GPR161: variants seen among roughly 807,000 people sequenced by gnomAD.
GPR161 encodes the protein G protein-coupled receptor 161.
A neutral mutation model predicts 39.2 loss-of-function variants in GPR161; 25 were observed. The ratio of observed to expected loss-of-function variants is 0.64; its 90% CI spans 0.47 to 0.89. The LOEUF is 0.89. GPR161 is among the 40% of genes least tolerant of loss of function. The pLI is 0.00. For synonymous variants in GPR161, 286 were observed against 276.6 expected (o/e 1.03, Z -0.34); for missense variants, 547 against 677.8 (o/e 0.81, Z 2.14).
chr1:168,084,916 T>C lies in GPR161; in HGVS notation c.*615A>G, dbSNP rs1558079989. The stretch of plus-strand genomic sequence containing the variant: ...TCTGCAAGAGGCCTGTGGCTGTCCC[T>C]ATTAGCACCAGCAGGTGGCGCCACT... On this transcript the variant is annotated 3_prime_UTR_variant, in exon 6 of 6. Transcript: ENST00000682931. The C allele has an allele frequency of 2.2e-6, 1 of 456,306 alleles. No individual in the cohort carries two copies. The highest frequency in any genetic ancestry group is 4.4e-6 in the Non-Finnish European group (1 of 226,974). The allele number at this position is 456,306 out of a possible 1,614,324, so 28.3% of individuals were successfully genotyped here.
At chr1:168,110,592 GA>G (rs112057585) in intron 1 of GPR161, among the ~76,000 whole-genome samples, 14,697 of 70,160 alleles carry the variant, frequency 0.21, 2,302 homozygotes, top group Admixed American at 0.34. Flanking sequence ...GAAAAGAAAA[GA>G]AAAGAGACAA....
intron 4 of GPR161, chr1:168,090,323 C>A (rs141120567): frequency 3.0e-5 from 12 of 398,126 alleles, no homozygotes; most frequent in African/African-American, 2.4e-4. Flanking sequence ...CCTAATAACA[C>A]CGTGCGGCAG....
intron 1 of GPR161, among the ~76,000 whole-genome samples, chr1:168,112,652 T>C (rs1697305902): frequency 6.6e-6 from 1 of 151,538 alleles, no homozygotes; most frequent in African/African-American, 2.4e-5. Flanking sequence ...AGGTCAGGAG[T>C]TCGGGACCAG....
rs1405402809 is a variant in GPR161, at chr1:168,084,861, G to C, written c.*670C>G. 8.8e-6 allele frequency: 4 copies of C among 456,186 alleles called. No homozygotes were observed. Among genetic ancestry groups the C allele is most frequent in the Non-Finnish European group, 1.8e-5 (4 of 226,960 alleles). The allele number at this position is 456,186 out of a possible 1,614,324, so 28.3% of individuals were successfully genotyped here. On this transcript the variant is annotated 3_prime_UTR_variant, in exon 6 of 6. Transcript: ENST00000682931. ...TCCCTTTTGAAATACCAAAGAACTT[G>C]TCAGTAGGGAAGTAGGCAGGGTGGG...
rs768969145 is a variant in GPR161, at chr1:168,082,767, T to G, written c.*2764A>C. 1.3e-5 allele frequency: 2 copies of G among 152,252 alleles called. No individual in the cohort carries two copies. Among genetic ancestry groups the G allele is most frequent in the Non-Finnish European group, 2.9e-5 (2 of 68,050 alleles). The allele number at this position is 152,252 out of a possible 1,614,324, so 9.4% of individuals were successfully genotyped here. ...GCAGGCCTGCCACTGCATGGCAGTT[T>G]ACAGCTAAAGAGCCTGGGTTTAGTG... On this transcript the variant is annotated 3_prime_UTR_variant, in exon 6 of 6. Transcript: ENST00000682931.
At chr1:168,106,354 A>T (rs1052220891) in intron 1 of GPR161, among the ~76,000 whole-genome samples, 1 of 152,268 alleles carries the variant, frequency 6.6e-6, no homozygotes, top group Non-Finnish European at 1.5e-5. Context: ...TGGGAGGCCC[A>T]TGTGGGCAGA....
intron 1 of GPR161, among the ~76,000 whole-genome samples, chr1:168,120,400 G>A (rs866214667): frequency 1.2e-4 from 19 of 152,152 alleles, no homozygotes; most frequent in African/African-American, 4.3e-4. Context: ...TTGTATTTTG[G>A]AAGTAACTAA....
At chr1:168,111,396 T>C (rs1256455723) in intron 1 of GPR161, among the ~76,000 whole-genome samples, 1 of 152,156 alleles carries the variant, frequency 6.6e-6, no homozygotes, top group Non-Finnish European at 1.5e-5. Context: ...TCGCCACCTG[T>C]AGTTAGGCAG....
At chr1:168,120,339 C>T (rs772087996) in intron 1 of GPR161, among the ~76,000 whole-genome samples, 47 of 152,142 alleles carry the variant, frequency 3.1e-4, no homozygotes, top group Non-Finnish European at 5.3e-4. Flanking sequence ...TTTGTTTTGG[C>T]CAATTTCTCC....
chr1:168,105,182 C>T (rs1015998945), intron 1 of GPR161, among the ~76,000 whole-genome samples: 6 of 152,154 alleles, frequency 3.9e-5, no homozygotes, highest in African/African-American at 1.4e-4. Context: ...GCTGAAGAAT[C>T]GTCTGAAGTG....
In GPR161 at chr1:168,098,925, G is replaced by A. The variant is rs111659016; in HGVS notation, c.375-1693C>T. ...GGAGGCTCTGATGTCTATTAGCTAT[G>A]TGACCTCAGCTAATTGATGTAACCT... On this transcript the variant is annotated intron_variant, in intron 2 of 5. Transcript: ENST00000682931. The surrounding 1 kb of genome is among the most constrained non-coding windows in gnomAD (Gnocchi z 4.1). Among the ~76,000 whole-genome samples, 444 of 152,346 alleles carry A rather than the reference G, an allele frequency of 2.9e-3. 1 individual carries two copies. The highest frequency in any genetic ancestry group is 0.01 in the African/African-American group (422 of 41,588).
upstream of GPR161, chr1:168,137,575 T>A: frequency 1.6e-6 from 1 of 620,228 alleles, no homozygotes; most frequent in Non-Finnish European, 2.9e-6. Context: ...GGAGCAGTCA[T>A]CACAAAACAA....
intron 1 of GPR161, among the ~76,000 whole-genome samples, chr1:168,133,654 T>C (rs534140874): frequency 4.6e-5 from 7 of 152,268 alleles, no homozygotes; most frequent in Admixed American, 4.6e-4. Flanking sequence ...ACAGACAGGA[T>C]CTTACTATGT....
chr1:168,125,780 G>A (rs927538852), intron 1 of GPR161, among the ~76,000 whole-genome samples: 1 of 152,144 alleles, frequency 6.6e-6, no homozygotes, highest in African/African-American at 2.4e-5. Flanking sequence ...ACCAGGCCCA[G>A]CTAATTTTTG....
intron 1 of GPR161, among the ~76,000 whole-genome samples, chr1:168,132,746 T>C (rs897684026): frequency 2.0e-5 from 3 of 152,140 alleles, no homozygotes; most frequent in Non-Finnish European, 2.9e-5. Flanking sequence ...TGTTGTTGTT[T>C]GTTGGTTGGT....
rs1178466991 is a variant in GPR161 at position 168,081,719 on chromosome 1, A to G, written c.*3812T>C. On this transcript the variant is annotated 3_prime_UTR_variant, in exon 6 of 6. Transcript: ENST00000682931. ...CCCACGTCTTCACCATCCTCACTAT[A>G]TCACACTTGCACTGGGGTAAAATGA... The G allele has an allele frequency of 1.3e-5, 2 of 152,286 alleles. No individual in the cohort carries two copies. The highest frequency in any genetic ancestry group is 2.9e-5 in the Non-Finnish European group (2 of 68,072). The allele number at this position is 152,286 out of a possible 1,614,324, so 9.4% of individuals were successfully genotyped here. A position where few individuals can be genotyped will look rare whatever the true frequency, so the allele number is the denominator to read the frequency against.
intron 5 of GPR161, among the ~76,000 whole-genome samples, chr1:168,086,978 G>A (rs888050523): frequency 5.3e-5 from 8 of 152,168 alleles, no homozygotes; most frequent in African/African-American, 1.9e-4. Context: ...CCACAGCCCA[G>A]TCATATTGGT....
intron 1 of GPR161, among the ~76,000 whole-genome samples, chr1:168,128,686 C>A (rs186290564): frequency 6.6e-6 from 1 of 152,216 alleles, no homozygotes; most frequent in African/African-American, 2.4e-5. Flanking sequence ...ATAATGACTA[C>A]GTGAATTAGT....
chr1:168,132,736 T>C (rs149460738), intron 1 of GPR161, among the ~76,000 whole-genome samples: 1 of 152,268 alleles, frequency 6.6e-6, no homozygotes, highest in African/African-American at 2.4e-5. Context: ...TTGTTTTTGT[T>C]GTTGTTGTTT....
Sources: gnomAD v4.1 joint callset for allele counts (sites outside exome capture counted in the v4.1 genomes callset) on GRCh38, gnomAD v4.1.1 for gene constraint, Gnocchi (gnomAD v3.1) non-coding constraint, MANE v1.5 for transcripts, NCBI Gene and HGNC (gene_info 2026-07-23, HGNC 2026-07-21) for gene names.